The following PNLIP variants were observed in gnomAD, a reference collection of about 807,000 sequenced individuals.
The protein encoded by PNLIP is pancreatic triacylglycerol lipase.
Under a neutral mutation model 57.1 loss-of-function variants are expected in PNLIP, and 49 were observed. The ratio of observed to expected loss-of-function variants is 0.86; its 90% CI spans 0.68 to 1.09. The LOEUF (loss-of-function observed/expected upper bound fraction) is 1.09. Ranked by LOEUF, PNLIP falls within the 50% of genes least tolerant of loss-of-function variation. The pLI, the probability that PNLIP is intolerant of heterozygous loss-of-function variation, is 0.00. For synonymous variants in PNLIP, 209 were observed against 200.4 expected, an observed-to-expected ratio of 1.04 and a Z score of -0.36; for missense variants, 503 against 570.2, an observed-to-expected ratio of 0.88 and a Z score of 1.20.
intron 12 of PNLIP, among the ~76,000 whole-genome samples, chr10:116,562,465 G>T (rs116100922): frequency 6.6e-6 from 1 of 152,142 alleles, no homozygotes; most frequent in African/African-American, 2.4e-5. Flanking sequence ...TTACTGCTCC[G>T]AGAGATTTCC....
intron 9 of PNLIP, among the ~76,000 whole-genome samples, chr10:116,558,392 C>T (rs1469294983): frequency 6.6e-6 from 1 of 151,438 alleles, no homozygotes; most frequent in African/African-American, 2.4e-5. Context: ...GACGGGGTTT[C>T]ACCATGTTAG....
chr10:116,560,558 T>G, intron 11 of PNLIP, 34 bp downstream of exon 11: 1 of 1,051,028 alleles, frequency 9.5e-7, no homozygotes, highest in Non-Finnish European at 1.4e-6. Context: ...TGCTTTTTTT[T>G]TTTTTTTTTT....
At chr10:116,556,242 A>T (rs1175711087) in intron 9 of PNLIP, 124 bp downstream of exon 9, 2 of 644,392 alleles carry the variant, frequency 3.1e-6, no homozygotes, top group African/African-American at 3.6e-5. Context: ...CATGCCTTTA[A>T]TTATATGTAT....
intron 12 of PNLIP, among the ~76,000 whole-genome samples, chr10:116,565,863 G>A (rs188380078): frequency 3.8e-4 from 58 of 152,270 alleles, no homozygotes; most frequent in Middle Eastern, 6.8e-3. Flanking sequence ...AGGCTAGAGT[G>A]CAGTGGCACG....
chr10:116,557,847 T>C (rs1034132540), intron 9 of PNLIP, among the ~76,000 whole-genome samples: 5 of 152,124 alleles, frequency 3.3e-5, no homozygotes, highest in Admixed American at 1.3e-4. Flanking sequence ...ATATGTCTTC[T>C]CCAGGTATCA....
Position 116,555,926 on chromosome 10 carries a change from A to G in PNLIP, c.812-74A>G, listed in dbSNP as rs947320932. ...ACTAATTAGAGAAATCTATTCAACC[A>G]CTATATTCTGAATATGACGTTAACT... On this transcript the variant is annotated intron_variant, in intron 8 of 12. Transcript: ENST00000369221. The G allele has an allele frequency of 3.4e-6, 3 of 879,710 alleles. No homozygotes were observed. In the Admixed American group the frequency reaches 5.7e-5, roughly 17 times the overall value. The allele number at this position is 879,710 out of a possible 1,614,324, so 54.5% of individuals were successfully genotyped here. A position where few individuals can be genotyped will look rare whatever the true frequency, so the allele number is the denominator to read the frequency against.
intron 9 of PNLIP, among the ~76,000 whole-genome samples, chr10:116,558,776 C>T (rs1419464951): frequency 6.6e-6 from 1 of 151,872 alleles, no homozygotes; most frequent in East Asian, 2.0e-4. Context: ...AGGCGCCTGC[C>T]ACCATGCTCA....
chr10:116,545,996 G>A (rs1307661585), intron 1 of PNLIP, 38 bp downstream of exon 1: 3 of 1,038,260 alleles, frequency 2.9e-6, no homozygotes, highest in Non-Finnish European at 4.6e-6. Flanking sequence ...TAATTGATCA[G>A]AATGTATCCA....
chr10:116,553,691 C>T, intron 5 of PNLIP, 36 bp from the exon 6 acceptor site: 4 of 1,348,966 alleles, frequency 3.0e-6, no homozygotes, highest in Non-Finnish European at 4.3e-6. Context: ...CATGACTGCA[C>T]TTGAAAACAT....
rs1589556054 is a variant in PNLIP, at chr10:116,553,610, A to G, written c.460-117A>G. On this transcript the variant is annotated intron_variant, in intron 5 of 12. Coordinates refer to ENST00000369221, the MANE Select transcript of PNLIP (RefSeq NM_000936.4). ...ATCTAGGTTTATGTAAATATACTTT[A>G]TGATGTTCCCACAACAATGAAATCG... 3 of 706,488 alleles carry G rather than the reference A, an allele frequency of 4.2e-6. No homozygotes were observed. In the East Asian group the frequency reaches 8.1e-5, roughly 19 times the overall value. 43.8% of individuals were successfully genotyped at this position (706,488 alleles called of 1,614,324 possible).
intron 5 of PNLIP, 37 bp from the exon 6 acceptor site, chr10:116,553,690 A>C: frequency 7.9e-7 from 1 of 1,262,060 alleles, no homozygotes; most frequent in Non-Finnish European, 1.2e-6. Flanking sequence ...TCATGACTGC[A>C]CTTGAAAACA....
chr10:116,550,563 T>A (rs1242151566), intron 4 of PNLIP, among the ~76,000 whole-genome samples: 1 of 152,124 alleles, frequency 6.6e-6, no homozygotes, highest in African/African-American at 2.4e-5. Flanking sequence ...ATCCAAAAAA[T>A]TTGATTAGTC....
intron 10 of PNLIP, 140 bp from the exon 11 acceptor site, chr10:116,560,276 T>TACACAC (rs71301597): frequency 1.1e-3 from 478 of 425,180 alleles, no homozygotes; most frequent in African/African-American, 2.0e-3. Flanking sequence ...ATTAGAAAAT[T>TACACAC]ACACACACAC....
intron 2 of PNLIP, among the ~76,000 whole-genome samples, 178 bp from the exon 3 acceptor site, chr10:116,547,116 C>G (rs1411709867): frequency 6.6e-6 from 1 of 152,124 alleles, no homozygotes; most frequent in Non-Finnish European, 1.5e-5. Context: ...AGAACAACAG[C>G]CTGTCTGGAA....
At position 116,561,590 on chromosome 10, in the gene PNLIP, A is replaced by G; in HGVS notation, c.1288A>G (p.Arg430Gly). ...YNNVINPTLP[R>G]VGASKIIVET... Reference sequence around the variant, plus strand: ...CAATGTGATCAACCCAACTTTACCTAGAGTGGGAGCATCCAAGATTATAGT... The same window carrying G: ...CAATGTGATCAACCCAACTTTACCTGGAGTGGGAGCATCCAAGATTATAGT... Residue 430 changes from arginine to glycine, a missense_variant, in exon 12 of 13, where the codon AGA becomes GGA. Transcript: ENST00000369221. 1 of 1,613,526 alleles carries G rather than the reference A, an allele frequency of 6.2e-7. No individual in the cohort carries two copies. Among genetic ancestry groups the G allele is most frequent in the Non-Finnish European group, 8.5e-7 (1 of 1,179,706 alleles).
intron 12 of PNLIP, among the ~76,000 whole-genome samples, chr10:116,567,209 CTCTT>C (rs1847378496): frequency 7.9e-6 from 1 of 126,936 alleles, no homozygotes; most frequent in South Asian, 2.5e-4. Context: ...TTCTTTTTTT[CTCTT>C]TCTCTCTTTC....
At chr10:116,559,492 A>G (rs1326456757) in intron 10 of PNLIP, among the ~76,000 whole-genome samples, 1 of 152,178 alleles carries the variant, frequency 6.6e-6, no homozygotes, top group East Asian at 1.9e-4. Flanking sequence ...ATGCTGCAAA[A>G]ATAAGTTTCT....
In PNLIP at chr10:116,567,852, T is replaced by A; in HGVS notation, c.*54T>A. ...GACTTCTAATAAAATCTAGTGGTGATGCATTACATGCCTGTTTCTTTTGTC... is the reference window on the plus strand; with the variant it reads ...GACTTCTAATAAAATCTAGTGGTGAAGCATTACATGCCTGTTTCTTTTGTC... On this transcript the variant is annotated 3_prime_UTR_variant, in exon 13 of 13. Transcript: ENST00000369221. The A allele has an allele frequency of 7.7e-7, 1 of 1,291,844 alleles. No homozygotes were observed. Among genetic ancestry groups the A allele is most frequent in the Admixed American group, 1.7e-5 (1 of 59,590 alleles). The allele number at this position is 1,291,844 out of a possible 1,614,324, so 80.0% of individuals were successfully genotyped here. A position where few individuals can be genotyped will look rare whatever the true frequency, so the allele number is the denominator to read the frequency against.
In PNLIP at chr10:116,551,218, G is replaced by T. The variant is rs1847187653; in HGVS notation, c.445G>T (p.Val149Phe). ...RIVGAEVAYF[V>F]EFLQSAFGYS... Reference sequence around the variant, plus strand: ...CGTGGGAGCAGAAGTGGCATATTTTGTTGAATTTCTTCAGGTAATTACTCC... The same window carrying T: ...CGTGGGAGCAGAAGTGGCATATTTTTTTGAATTTCTTCAGGTAATTACTCC... The change falls in exon 5 of 13, where the codon GTT becomes TTT. Residue 149 changes from valine to phenylalanine, a missense_variant. Val to Phe is a conservative substitution (Grantham distance 50). Transcript: ENST00000369221. 3 of 1,574,056 alleles carry T rather than the reference G, an allele frequency of 1.9e-6. No individual in the cohort carries two copies. Among genetic ancestry groups the T allele is most frequent in the African/African-American group, 1.4e-5 (1 of 71,044 alleles).
Sources: allele counts gnomAD v4.1 joint callset (sites outside exome capture counted in the v4.1 genomes callset), GRCh38; gene constraint gnomAD v4.1.1; transcripts MANE v1.5; gene names NCBI Gene and HGNC (gene_info 2026-07-23, HGNC 2026-07-21).